The following JMY variants were observed in gnomAD, a reference collection of about 807,000 sequenced individuals.
The protein encoded by JMY is junction-mediating and -regulatory protein.
Under a neutral mutation model 103.3 loss-of-function variants are expected in JMY, and 46 were observed. The ratio of observed to expected loss-of-function variants is 0.45; its 90% CI spans 0.35 to 0.57. The LOEUF is 0.57. Ranked by LOEUF, JMY falls within the 20% of genes least tolerant of loss-of-function variation. The pLI, the probability that JMY is intolerant of heterozygous loss-of-function variation, is 0.00. For synonymous variants in JMY, 526 were observed against 489.3 expected, an observed-to-expected ratio of 1.07 and a Z score of -0.99; for missense variants, 1,238 against 1,255.2, an observed-to-expected ratio of 0.99 and a Z score of 0.21.
chr5:79,276,912 G>A (rs1055386127), intron 1 of JMY, among the ~76,000 whole-genome samples: 1 of 151,964 alleles, frequency 6.6e-6, no homozygotes, highest in African/African-American at 2.4e-5. Flanking sequence ...GCCGATTATT[G>A]TTTTTATACA....
At position 79,270,542 on chromosome 5, in the gene JMY, T is replaced by A. The variant is rs1561297829; in HGVS notation, c.1033-7368T>A. 7.9e-5 allele frequency among the ~76,000 whole-genome samples: 3 copies of A among 38,108 alleles called. 1 individual carries two copies. The highest frequency in any genetic ancestry group is 2.0e-4 in the African/African-American group (3 of 15,248). 25.0% of individuals were successfully genotyped at this position (38,108 alleles called of 152,430 possible). A position where few individuals can be genotyped will look rare whatever the true frequency, so the allele number is the denominator to read the frequency against. The stretch of plus-strand genomic sequence containing the variant: ...TAAAATATATATTTACATAAATATT[T>A]AAAATGTATATTTACATAAATATTT... On this transcript the variant is annotated intron_variant, in intron 1 of 10. Coordinates refer to ENST00000396137, the MANE Select transcript of JMY (RefSeq NM_152405.5).
rs2112112455 is a variant in JMY at position 79,306,459 on chromosome 5, C to G, written c.1966C>G (p.Leu656Val). 6.2e-7 allele frequency: 1 copy of G among 1,603,094 alleles called. No individual in the cohort carries two copies. Among genetic ancestry groups the G allele is most frequent in the Non-Finnish European group, 8.5e-7 (1 of 1,172,074 alleles). The change falls in exon 7 of 11, where the codon CTA becomes GTA. Residue 656 changes from leucine (L) to valine (V), a missense_variant and splice_region_variant. Coordinates refer to ENST00000396137, the MANE Select transcript of JMY (RefSeq NM_152405.5). ...ATATAGAACCCATCACACAGTACAACTAGTAAGTTTGGATTCGAAGATTTT... is the reference window on the plus strand; with the variant it reads ...ATATAGAACCCATCACACAGTACAAGTAGTAAGTTTGGATTCGAAGATTTT... ...DEYRTHHTVQ[L>V]KREKLHDEEE...
intron 1 of JMY, among the ~76,000 whole-genome samples, chr5:79,247,725 T>G (rs1287564919): frequency 2.0e-5 from 3 of 151,912 alleles, no homozygotes; most frequent in Non-Finnish European, 4.4e-5. Context: ...CAATCTCTGC[T>G]CACTGCAACT....
At chr5:79,317,527 A>G (rs1036064936) in intron 10 of JMY, among the ~76,000 whole-genome samples, 2 of 152,238 alleles carry the variant, frequency 1.3e-5, no homozygotes, top group East Asian at 1.9e-4. Context: ...TGTAATTTGT[A>G]TAAAATTTAT....
At chr5:79,318,174 C>CTT (rs35595124) in intron 10 of JMY, among the ~76,000 whole-genome samples, 129 of 146,052 alleles carry the variant, frequency 8.8e-4, no homozygotes, top group Middle Eastern at 3.5e-3. Context: ...GCTCTTTTTT[C>CTT]TTTTTTTTTT....
chr5:79,298,990 C>T (rs935324715), intron 4 of JMY, among the ~76,000 whole-genome samples: 2 of 80,008 alleles, frequency 2.5e-5, no homozygotes, highest in East Asian at 3.2e-4. Flanking sequence ...GTAGGTTGTC[C>T]CTGTACAGCC....
chr5:79,303,795 T>C (rs150739764), intron 6 of JMY, among the ~76,000 whole-genome samples: 7 of 152,054 alleles, frequency 4.6e-5, no homozygotes, highest in African/African-American at 1.7e-4. Flanking sequence ...ACATCCAATA[T>C]TGGGAGACTA....
At chr5:79,244,292 C>T (rs1455279190) in intron 1 of JMY, among the ~76,000 whole-genome samples, 5 of 152,144 alleles carry the variant, frequency 3.3e-5, no homozygotes, top group African/African-American at 1.2e-4. Context: ...TGAGCCACCA[C>T]GCCTGGCCCA....
intron 1 of JMY, among the ~76,000 whole-genome samples, chr5:79,262,076 C>T (rs1175092687): frequency 6.6e-6 from 1 of 152,198 alleles, no homozygotes; most frequent in Non-Finnish European, 1.5e-5. Context: ...CCTGCTGTGG[C>T]CGTTTTTATG....
At position 79,322,012 on chromosome 5, in the gene JMY, G is replaced by A. The variant is rs1442791241; in HGVS notation, c.*410G>A. ...GAACCATCTTTCAATGCACTGAAAA[G>A]TCATCTGAAAAAATAGCTTCTTCCA... On this transcript the variant is annotated 3_prime_UTR_variant, in exon 11 of 11. Transcript: ENST00000396137. 6.6e-6 allele frequency: 1 copy of A among 152,170 alleles called. No individual in the cohort carries two copies. The highest frequency in any genetic ancestry group is 1.9e-4 in the East Asian group (1 of 5,202). The allele number at this position is 152,170 out of a possible 1,614,324, so 9.4% of individuals were successfully genotyped here. A position where few individuals can be genotyped will look rare whatever the true frequency, so the allele number is the denominator to read the frequency against.
At position 79,241,415 on chromosome 5, in the gene JMY, T is replaced by A. The variant is rs569438788; in HGVS notation, c.1032+3733T>A. On this transcript the variant is annotated intron_variant, in intron 1 of 10. Coordinates refer to ENST00000396137, the MANE Select transcript of JMY (RefSeq NM_152405.5). The stretch of plus-strand genomic sequence containing the variant: ...TTTTAATGTGAAGTTGTAAGTAAAA[T>A]TTTTATAAATTGATAAGTGTAAATT... Among the ~76,000 whole-genome samples the A allele has an allele frequency of 9.2e-5, 14 of 152,340 alleles. No homozygotes were observed. In the South Asian group the frequency reaches 2.3e-3, roughly 25 times the overall value.
At chr5:79,239,465 C>A (rs1207194715) in intron 1 of JMY, among the ~76,000 whole-genome samples, 1 of 152,028 alleles carries the variant, frequency 6.6e-6, no homozygotes, top group Non-Finnish European at 1.5e-5. Context: ...CTTAAAAATC[C>A]CTTAATGAAT....
chr5:79,305,268 G>T (rs1360647049), intron 6 of JMY, among the ~76,000 whole-genome samples: 1 of 152,060 alleles, frequency 6.6e-6, no homozygotes, highest in Admixed American at 6.6e-5. Context: ...TGGCCAACAT[G>T]GTGAAACCCC....
At chr5:79,318,759 T>TAGAGAG (rs1337696613) in intron 10 of JMY, among the ~76,000 whole-genome samples, 8 of 20,584 alleles carry the variant, frequency 3.9e-4, no homozygotes, top group East Asian at 9.3e-4. Flanking sequence ...TATATATATA[T>TAGAGAG]ATAGAGAGAG....
intron 1 of JMY, among the ~76,000 whole-genome samples, chr5:79,245,452 G>GA (rs1744859455): frequency 1.3e-5 from 2 of 152,236 alleles, no homozygotes; most frequent in Admixed American, 6.5e-5. Context: ...TATGGCTCGG[G>GA]AAAAATCTGT....
At chr5:79,288,503 C>T (rs929526543) in intron 2 of JMY, among the ~76,000 whole-genome samples, 2 of 152,152 alleles carry the variant, frequency 1.3e-5, no homozygotes, top group Non-Finnish European at 2.9e-5. Flanking sequence ...CCCAGAGACA[C>T]ACTTAACCAT....
intron 2 of JMY, 23 bp from the exon 3 acceptor site, chr5:79,290,098 A>AT: frequency 6.4e-7 from 1 of 1,551,728 alleles, no homozygotes; most frequent in South Asian, 1.2e-5. Flanking sequence ...GAACTTCTTA[A>AT]TTTTTTCTTT....
rs1258941301 is a variant in JMY, at chr5:79,314,739, G to C, written c.2547G>C (p.Lys849Asn). The change falls in exon 9 of 11, where the codon AAG becomes AAC. Residue 849 changes from lysine (K) to asparagine (N), a missense_variant. Lys to Asn is a moderately conservative substitution (Grantham distance 94). Transcript: ENST00000396137. Reference sequence around the variant, plus strand: ...TGCCTAGAAAGGAGGGGAATGAGAAGAGGATCCCAAAGTCAGCCAGTGCCC... The same window carrying C: ...TGCCTAGAAAGGAGGGGAATGAGAACAGGATCCCAAAGTCAGCCAGTGCCC... ...KDLPRKEGNE[K>N]RIPKSASAPS... The C allele has an allele frequency of 6.2e-7, 1 of 1,611,022 alleles. No individual in the cohort carries two copies. Among genetic ancestry groups the C allele is most frequent in the East Asian group, 2.2e-5 (1 of 44,674 alleles).
At chr5:79,278,140 A>C in intron 2 of JMY, 57 bp downstream of exon 2, 1 of 1,375,292 alleles carries the variant, frequency 7.3e-7, no homozygotes, top group East Asian at 2.3e-5. Context: ...CTCAGCCTGA[A>C]AGGCCATGCG....
Sources: allele counts gnomAD v4.1 joint callset (sites outside exome capture counted in the v4.1 genomes callset), GRCh38; gene constraint gnomAD v4.1.1; transcripts MANE v1.5; gene names NCBI Gene and HGNC (gene_info 2026-07-23, HGNC 2026-07-21).